The following NTM variants were observed in gnomAD, a reference collection of about 807,000 sequenced individuals.
The protein encoded by NTM is neurotrimin.
Under a neutral mutation model 42.1 loss-of-function variants are expected in NTM, and 13 were observed. That is an observed-to-expected ratio of 0.31 (90% confidence interval 0.20 to 0.49). The LOEUF (loss-of-function observed/expected upper bound fraction) is 0.49. Among genes scored for constraint, NTM ranks in the 20% least tolerant of loss-of-function variants. The probability of loss-of-function intolerance (pLI) is 0.99; values close to 1 mark genes in which losing one functional copy is unlikely to be tolerated. For synonymous variants in NTM, 187 were observed against 179.2 expected, an observed-to-expected ratio of 1.04 and a Z score of -0.35; for missense variants, 373 against 452.8, an observed-to-expected ratio of 0.82 and a Z score of 1.60.
intron 1 of NTM, chr11:131,660,966 G>A (rs1457072016): frequency 3.3e-5 from 43 of 1,304,304 alleles, no homozygotes; most frequent in Non-Finnish European, 4.0e-5. Context: ...CCAAGGCAAA[G>A]TTGGATGTTT....
At chr11:131,811,630 T>C (rs917554186) in intron 1 of NTM, among the ~76,000 whole-genome samples, 2 of 147,748 alleles carry the variant, frequency 1.4e-5, no homozygotes, top group South Asian at 2.1e-4. Flanking sequence ...TATGTCATGA[T>C]GTATATTGTA....
intron 1 of NTM, among the ~76,000 whole-genome samples, chr11:131,833,762 C>G (rs2043122111): frequency 6.6e-6 from 1 of 152,116 alleles, no homozygotes; most frequent in South Asian, 2.1e-4. Flanking sequence ...GCAGGATAGC[C>G]TAGTGGTTAA....
At chr11:131,904,929 G>C (rs1436424874) in intron 1 of NTM, among the ~76,000 whole-genome samples, 1 of 152,148 alleles carries the variant, frequency 6.6e-6, no homozygotes, top group Admixed American at 6.5e-5. Flanking sequence ...TCAGCATGAC[G>C]TTCCTGCTCT....
chr11:132,146,867 A>G lies in NTM; in HGVS notation c.400+353A>G. ...GTTTTTTAGATTTCATCCAATTCCA[A>G]GACTGTGTTATGTTTAAAACCAGAC... is the stretch of plus-strand genomic sequence containing the variant. On this transcript the variant is annotated intron_variant, in intron 3 of 8. Transcript: ENST00000683400. The surrounding 1 kb of genome is among the most constrained non-coding windows in gnomAD (Gnocchi z 4.5). 3.5e-6 allele frequency: 1 copy of G among 283,042 alleles called. No homozygotes were observed. The highest frequency in any genetic ancestry group is 6.6e-6 in the Non-Finnish European group (1 of 150,714). 17.5% of individuals were successfully genotyped at this position (283,042 alleles called of 1,614,324 possible).
At chr11:131,510,743 G>C (rs754179455) in intron 1 of NTM, among the ~76,000 whole-genome samples, 2 of 152,186 alleles carry the variant, frequency 1.3e-5, no homozygotes, top group Non-Finnish European at 2.9e-5. Flanking sequence ...ATCTCTTTCT[G>C]TCTGCTCATT....
At chr11:131,468,342 G>T (rs1462422608) in intron 1 of NTM, among the ~76,000 whole-genome samples, 1 of 152,232 alleles carries the variant, frequency 6.6e-6, no homozygotes, top group Non-Finnish European at 1.5e-5. Context: ...AATGGTTGAG[G>T]AATTAAAATG....
chr11:132,275,787 G>C (rs1474668813), intron 4 of NTM, among the ~76,000 whole-genome samples: 3 of 116,576 alleles, frequency 2.6e-5, no homozygotes, highest in Admixed American at 2.5e-4. Flanking sequence ...ATCCCATCAG[G>C]GTAGTTAGTA....
chr11:131,410,811 A>G (rs1356955168), intron 1 of NTM, among the ~76,000 whole-genome samples: 1 of 152,184 alleles, frequency 6.6e-6, no homozygotes, highest in African/African-American at 2.4e-5. Context: ...AACGCTAAAC[A>G]TGTGGGAGTT....
intron 1 of NTM, among the ~76,000 whole-genome samples, chr11:131,393,933 A>G (rs1005484977): frequency 9.2e-5 from 14 of 152,248 alleles, no homozygotes; most frequent in African/African-American, 3.1e-4. Flanking sequence ...TAAATGGCCA[A>G]TGCAAGCCGA....
At chr11:131,393,768 C>T (rs1944276850) in intron 1 of NTM, among the ~76,000 whole-genome samples, 1 of 152,232 alleles carries the variant, frequency 6.6e-6, no homozygotes, top group East Asian at 1.9e-4. Context: ...GTGGCATGTG[C>T]CAGATCTTAT....
intron 1 of NTM, among the ~76,000 whole-genome samples, chr11:131,519,383 G>T (rs1343517889): frequency 6.6e-6 from 1 of 151,302 alleles, no homozygotes; most frequent in Admixed American, 6.6e-5. Context: ...CTGCTTGTTA[G>T]GGAGCTGTGG....
chr11:131,406,715 A>G (rs1269690943), intron 1 of NTM, among the ~76,000 whole-genome samples: 1 of 152,214 alleles, frequency 6.6e-6, no homozygotes, highest in Non-Finnish European at 1.5e-5. Context: ...CTCTCTCACA[A>G]AATATCACAC....
At chr11:131,912,320 G>C (rs954212112) in intron 2 of NTM, among the ~76,000 whole-genome samples, 34 of 152,280 alleles carry the variant, frequency 2.2e-4, no homozygotes, top group African/African-American at 7.7e-4. Context: ...CCACCAAAAC[G>C]GTACATGCAA....
At chr11:131,617,783 GT>G (rs1307130852) in intron 1 of NTM, among the ~76,000 whole-genome samples, 1 of 152,134 alleles carries the variant, frequency 6.6e-6, no homozygotes, top group African/African-American at 2.4e-5. Context: ...TGGGGTTTTT[GT>G]TTTTGAGGCT....
At chr11:132,118,947 G>T (rs560532510) in intron 2 of NTM, among the ~76,000 whole-genome samples, 1 of 152,210 alleles carries the variant, frequency 6.6e-6, no homozygotes, top group East Asian at 1.9e-4. Flanking sequence ...GCTGGGAGGG[G>T]GAGGAGTAGA....
chr11:131,756,459 G>A (rs1591632412), intron 1 of NTM, among the ~76,000 whole-genome samples: 1 of 151,890 alleles, frequency 6.6e-6, no homozygotes, highest in East Asian at 1.9e-4. Context: ...TGGAGACGGA[G>A]GTTGCAGTGA....
intron 1 of NTM, among the ~76,000 whole-genome samples, chr11:131,856,423 A>G (rs10750493): frequency 0.79 from 120,731 of 152,166 alleles, 48,334 homozygotes; most frequent in African/African-American, 0.88. Flanking sequence ...TTTCAAGAAT[A>G]TCTCACCAAA....
At chr11:131,563,789 G>C (rs2056534751) in intron 1 of NTM, among the ~76,000 whole-genome samples, 1 of 151,974 alleles carries the variant, frequency 6.6e-6, no homozygotes, top group African/African-American at 2.4e-5. Context: ...ATAGTGCAAG[G>C]CATTGGTGGT....
intron 1 of NTM, among the ~76,000 whole-genome samples, chr11:131,775,774 T>C (rs923376489): frequency 6.6e-6 from 1 of 152,204 alleles, no homozygotes; most frequent in African/African-American, 2.4e-5. Flanking sequence ...TACAGTAATG[T>C]AAGAAACTCA....
Sources: gnomAD v4.1 joint callset for allele counts (sites outside exome capture counted in the v4.1 genomes callset) on GRCh38, gnomAD v4.1.1 for gene constraint, Gnocchi (gnomAD v3.1) non-coding constraint, MANE v1.5 for transcripts, NCBI Gene and HGNC (gene_info 2026-07-23, HGNC 2026-07-21) for gene names.